KCND3: variants seen among roughly 807,000 people sequenced by gnomAD.
KCND3 encodes the protein potassium voltage-gated channel subfamily D member 3, also known as A-type voltage-gated potassium channel KCND3.
KCND3 carries 9 observed loss-of-function variants against 51.1 expected under a neutral mutation model. The ratio of observed to expected loss-of-function variants is 0.18; its 90% confidence interval spans 0.11 to 0.31. The LOEUF (loss-of-function observed/expected upper bound fraction) is 0.31. Ranked by LOEUF, KCND3 falls within the 10% of genes least tolerant of loss-of-function variation. The pLI, the probability that KCND3 is intolerant of heterozygous loss-of-function variation, is 1.00. For missense variants in KCND3, 526 were observed against 903.8 expected, an observed-to-expected ratio of 0.58 and a Z score of 5.36; for synonymous variants, 349 against 368.0, an observed-to-expected ratio of 0.95 and a Z score of 0.59.
intron 6 of KCND3, 103 bp from the exon 7 acceptor site, chr1:111,777,376 G>A: frequency 1.6e-6 from 2 of 1,282,074 alleles, no homozygotes; most frequent in Non-Finnish European, 2.3e-6. Flanking sequence ...GGACCTTGAA[G>A]GAAGGGCTCC....
chr1:111,843,921 T>C (rs1235931682), intron 2 of KCND3, among the ~76,000 whole-genome samples: 1 of 152,200 alleles, frequency 6.6e-6, no homozygotes, highest in Non-Finnish European at 1.5e-5. Flanking sequence ...TCTGGGACTT[T>C]GGCTCACGCT....
intron 2 of KCND3, among the ~76,000 whole-genome samples, chr1:111,907,813 G>A (rs1001364678): frequency 3.9e-5 from 6 of 152,212 alleles, no homozygotes; most frequent in Non-Finnish European, 5.9e-5. Context: ...GAGACTCTGT[G>A]CTAGGAAGCA....
chr1:111,861,591 GC>G (rs2101690629), intron 2 of KCND3, among the ~76,000 whole-genome samples: 1 of 152,232 alleles, frequency 6.6e-6, no homozygotes, highest in African/African-American at 2.4e-5. Context: ...GCAGGAGGGG[GC>G]CCACCGGCAG....
intron 2 of KCND3, among the ~76,000 whole-genome samples, chr1:111,918,337 G>C (rs1240287351): frequency 6.6e-6 from 1 of 152,200 alleles, no homozygotes; most frequent in Non-Finnish European, 1.5e-5. Flanking sequence ...AAGAGACCTG[G>C]AAACTTGAAA....
intron 2 of KCND3, among the ~76,000 whole-genome samples, chr1:111,947,192 G>T (rs879099582): frequency 6.6e-6 from 1 of 152,134 alleles, no homozygotes; most frequent in Non-Finnish European, 1.5e-5. Context: ...CTCCACAGAA[G>T]GTAATTAGGC....
At chr1:111,855,401 C>T (rs1345863508) in intron 2 of KCND3, among the ~76,000 whole-genome samples, 2 of 152,216 alleles carry the variant, frequency 1.3e-5, no homozygotes, top group African/African-American at 2.4e-5. Context: ...GCAAGTGCAA[C>T]CCAGGGTGAC....
At chr1:111,939,253 AAGTTTTGGGATACAC>A (rs1672371211) in intron 2 of KCND3, among the ~76,000 whole-genome samples, 1 of 152,160 alleles carries the variant, frequency 6.6e-6, no homozygotes, top group African/African-American at 2.4e-5. Flanking sequence ...AGTATACTTT[AAGTTTTGGGATACAC>A]GTGCAGAACG....
chr1:111,953,144 T>C lies in KCND3; in HGVS notation c.1106+28477A>G, dbSNP rs558610369. Among the ~76,000 whole-genome samples the C allele has an allele frequency of 1.1e-4, 16 of 152,154 alleles. No homozygotes were observed. The South Asian group carries it at 1.5e-3, about 14-fold the overall frequency. On this transcript the variant is annotated intron_variant, in intron 2 of 7. Transcript: ENST00000302127. Reference sequence around the variant, plus strand: ...AGATGCTGGACTTCATTAATCTCAGTTTCAGATGAGGCTGTACATGAATAG... The same window carrying C: ...AGATGCTGGACTTCATTAATCTCAGCTTCAGATGAGGCTGTACATGAATAG...
At chr1:111,969,468 T>C in intron 2 of KCND3, among the ~76,000 whole-genome samples, 1 of 152,202 alleles carries the variant, frequency 6.6e-6, no homozygotes, top group Admixed American at 6.5e-5. Flanking sequence ...GAGCAGACAC[T>C]GGTCAGCTCA....
In KCND3 at chr1:111,940,846, C is replaced by G. The variant is rs137876455; in HGVS notation, c.1106+40775G>C. Among the ~76,000 whole-genome samples the G allele has an allele frequency of 3.3e-5, 5 of 152,286 alleles. No individual in the cohort carries two copies. The East Asian group carries it at 9.6e-4, about 29-fold the overall frequency. ...ACATTTTTTAATCTCTCCCCCTCCA[C>G]CTTCCACCCCACATACACACCCTGG... On this transcript the variant is annotated intron_variant, in intron 2 of 7. Transcript: ENST00000302127.
intron 2 of KCND3, among the ~76,000 whole-genome samples, chr1:111,871,076 T>C (rs916004226): frequency 2.0e-5 from 3 of 152,162 alleles, no homozygotes; most frequent in African/African-American, 7.2e-5. Context: ...TGGGGGCATA[T>C]GTGAGGCACA....
At chr1:111,834,479 T>TGA (rs1666985493) in intron 2 of KCND3, among the ~76,000 whole-genome samples, 1 of 152,244 alleles carries the variant, frequency 6.6e-6, no homozygotes, top group South Asian at 2.1e-4. Flanking sequence ...GTCTGCTCTC[T>TGA]GTACTTACTG....
chr1:111,985,712 C>G (rs546626481), intron 1 of KCND3, among the ~76,000 whole-genome samples: 2 of 152,368 alleles, frequency 1.3e-5, no homozygotes, highest in South Asian at 4.1e-4. Flanking sequence ...CTGACTCACT[C>G]AGTCGAGTTT....
intron 2 of KCND3, among the ~76,000 whole-genome samples, chr1:111,929,227 G>C (rs1004672087): frequency 1.3e-5 from 2 of 152,090 alleles, no homozygotes; most frequent in Admixed American, 6.5e-5. Flanking sequence ...TCACCACCTC[G>C]GTTCTCTGCT....
rs1571636833 is a variant in KCND3 at position 111,787,239 on chromosome 1, A to G, written c.1107-133T>C. ...TTGCTTAGAGTATCTACTATGTGCC[A>G]GGTACTGTGACATGGACCTGGGGGT... On this transcript the variant is annotated intron_variant, in intron 2 of 7. Transcript: ENST00000302127. 1.4e-5 allele frequency: 13 copies of G among 945,338 alleles called. No individual in the cohort carries two copies. In the East Asian group the frequency reaches 3.3e-4, roughly 24 times the overall value. The allele number at this position is 945,338 out of a possible 1,614,324, so 58.6% of individuals were successfully genotyped here.
intron 2 of KCND3, among the ~76,000 whole-genome samples, chr1:111,920,477 C>G (rs924626781): frequency 6.6e-6 from 1 of 152,238 alleles, no homozygotes; most frequent in Admixed American, 6.5e-5. Context: ...ATTCCAGTAC[C>G]AGCTTGCTTG....
At chr1:111,909,060 C>G (rs537112237) in intron 2 of KCND3, among the ~76,000 whole-genome samples, 5 of 151,450 alleles carry the variant, frequency 3.3e-5, no homozygotes, top group Admixed American at 1.3e-4. Context: ...AGAAGGCAGA[C>G]TCCTCAATTC....
At chr1:111,983,967 A>T (rs1465046149) in intron 1 of KCND3, among the ~76,000 whole-genome samples, 1 of 152,182 alleles carries the variant, frequency 6.6e-6, no homozygotes, top group African/African-American at 2.4e-5. Flanking sequence ...AATGTATACC[A>T]TCTGTGGGAA....
At chr1:111,819,213 C>G (rs1232527250) in intron 2 of KCND3, among the ~76,000 whole-genome samples, 1 of 152,102 alleles carries the variant, frequency 6.6e-6, no homozygotes, top group Non-Finnish European at 1.5e-5. Context: ...GGGGAAGAGG[C>G]CTCTCCCCAG....
Sources: gnomAD v4.1 joint callset for allele counts (sites outside exome capture counted in the v4.1 genomes callset) on GRCh38, gnomAD v4.1.1 for gene constraint, MANE v1.5 for transcripts, NCBI Gene and HGNC (gene_info 2026-07-23, HGNC 2026-07-21) for gene names.